CPA6: variants seen among roughly 807,000 people sequenced by gnomAD.
CPA6 encodes the protein carboxypeptidase B.
CPA6 carries 58 observed loss-of-function variants against 63.3 expected under a neutral mutation model. The ratio of observed to expected loss-of-function variants is 0.92; its 90% confidence interval spans 0.74 to 1.14. CPA6 has a LOEUF of 1.14. Among genes scored for constraint, CPA6 ranks in the 50% most tolerant of loss-of-function variants. The pLI, the probability that CPA6 is intolerant of heterozygous loss-of-function variation, is 0.00. For synonymous variants in CPA6, 185 were observed against 179.0 expected (o/e 1.03, Z -0.27); for missense variants, 565 against 526.6 (o/e 1.07, Z -0.71).
chr8:67,610,652 C>G (rs1814781350), intron 2 of CPA6, among the ~76,000 whole-genome samples: 1 of 152,172 alleles, frequency 6.6e-6, no homozygotes, highest in Non-Finnish European at 1.5e-5. Context: ...TGAAGGGAAC[C>G]ATGTTTGTCT....
intron 2 of CPA6, among the ~76,000 whole-genome samples, chr8:67,610,615 G>A (rs1814780817): frequency 6.6e-6 from 1 of 152,140 alleles, no homozygotes; most frequent in South Asian, 2.1e-4. Flanking sequence ...TGACTTCCCA[G>A]GGCCATGCCA....
chr8:67,485,218 T>C (rs991373351), intron 6 of CPA6, among the ~76,000 whole-genome samples: 10 of 152,194 alleles, frequency 6.6e-5, no homozygotes, highest in Admixed American at 5.9e-4. Flanking sequence ...GTCTAATTAG[T>C]AGCAGCCTCA....
At chr8:67,720,916 TCTC>T (rs1352180937) in intron 1 of CPA6, among the ~76,000 whole-genome samples, 1 of 152,162 alleles carries the variant, frequency 6.6e-6, no homozygotes, top group Non-Finnish European at 1.5e-5. Flanking sequence ...TGAGTTGATC[TCTC>T]CTCTTCCAAC....
chr8:67,446,767 T>C (rs911604678), intron 8 of CPA6, among the ~76,000 whole-genome samples: 1 of 152,222 alleles, frequency 6.6e-6, no homozygotes, highest in African/African-American at 2.4e-5. Context: ...ACAATGCTAA[T>C]TTAAAAATTG....
rs372165685 is a variant in CPA6, at chr8:67,671,037, C to T, written c.117-46786G>A. Among the ~76,000 whole-genome samples the T allele has an allele frequency of 3.3e-5, 5 of 152,300 alleles. 1 individual carries two copies. The highest frequency in any genetic ancestry group is 3.9e-4 in the East Asian group (2 of 5,186). Reference sequence around the variant, plus strand: ...TTCAAGATGATAGATCTGGAGGTATCTTCAGTTTCATTTGGTGATGGAAAA... The same window carrying T: ...TTCAAGATGATAGATCTGGAGGTATTTTCAGTTTCATTTGGTGATGGAAAA... On this transcript the variant is annotated intron_variant, in intron 1 of 10. Coordinates refer to ENST00000297770, the MANE Select transcript of CPA6 (RefSeq NM_020361.5).
intron 1 of CPA6, among the ~76,000 whole-genome samples, chr8:67,715,266 T>G (rs986547977): frequency 1.3e-5 from 2 of 152,212 alleles, no homozygotes; most frequent in Non-Finnish European, 2.9e-5. Flanking sequence ...TTCTAAATTC[T>G]GGGCCTCCTA....
At chr8:67,692,327 T>TA (rs1816829399) in intron 1 of CPA6, among the ~76,000 whole-genome samples, 1 of 63,562 alleles carries the variant, frequency 1.6e-5, no homozygotes, top group Non-Finnish European at 2.7e-5. Flanking sequence ...AAATCCTGTC[T>TA]CAAAAAAAAA....
At chr8:67,657,424 T>A (rs1419683664) in intron 1 of CPA6, among the ~76,000 whole-genome samples, 1 of 152,222 alleles carries the variant, frequency 6.6e-6, no homozygotes, top group Non-Finnish European at 1.5e-5. Context: ...ATCTGTGTTA[T>A]AAACCTAGCA....
intron 1 of CPA6, among the ~76,000 whole-genome samples, chr8:67,664,698 G>A (rs551336636): frequency 2.0e-5 from 3 of 152,218 alleles, no homozygotes; most frequent in East Asian, 3.9e-4. Context: ...GGATTTCAGG[G>A]CCTCAAATTT....
intron 2 of CPA6, among the ~76,000 whole-genome samples, chr8:67,595,481 C>A (rs1208316653): frequency 6.6e-6 from 1 of 152,230 alleles, no homozygotes; most frequent in Non-Finnish European, 1.5e-5. Context: ...GCCCTGCCCC[C>A]AGAGGTGGAG....
intron 2 of CPA6, among the ~76,000 whole-genome samples, chr8:67,594,093 T>C (rs918774503): frequency 6.6e-6 from 1 of 152,070 alleles, no homozygotes; most frequent in African/African-American, 2.4e-5. Context: ...TGACAAAATC[T>C]CTCAGCATTT....
In CPA6 at chr8:67,555,425, T is replaced by C. The variant is rs138709217; in HGVS notation, c.193-37378A>G. On this transcript the variant is annotated intron_variant, in intron 2 of 10. Transcript: ENST00000297770. ...GTGGGGAGCTTAGAGTTGATGAACA[T>C]ATGGAGGAGCTGGGAAGGTTGCACC... Among the ~76,000 whole-genome samples the C allele has an allele frequency of 2.6e-5, 4 of 152,230 alleles. No homozygotes were observed. In the East Asian group the frequency reaches 7.7e-4, roughly 29 times the overall value.
At chr8:67,509,802 A>T (rs959052624) in intron 4 of CPA6, among the ~76,000 whole-genome samples, 184 bp from the exon 5 acceptor site, 3 of 152,182 alleles carry the variant, frequency 2.0e-5, no homozygotes, top group Non-Finnish European at 4.4e-5. Flanking sequence ...AATTACATTT[A>T]ATTTTCTGCC....
chr8:67,536,850 T>C (rs1289490645), intron 2 of CPA6, among the ~76,000 whole-genome samples: 1 of 152,206 alleles, frequency 6.6e-6, no homozygotes, highest in African/African-American at 2.4e-5. Context: ...ATAGCTCTTA[T>C]TATTTTGAGA....
rs116354771 is a variant in CPA6, at chr8:67,713,680, T to A, written c.116+32334A>T. Among the ~76,000 whole-genome samples the A allele has an allele frequency of 6.8e-3, 1,041 of 152,290 alleles. 7 individuals carry two copies. Among genetic ancestry groups the A allele is most frequent in the African/African-American group, 0.024 (982 of 41,558 alleles). On this transcript the variant is annotated intron_variant, in intron 1 of 10. Coordinates refer to ENST00000297770, the MANE Select transcript of CPA6 (RefSeq NM_020361.5). ...TCCATTGTTTCTGAGTCACTCAGAT[T>A]ATAATTGCAGTTTCCATCATAGCAT...
chr8:67,485,271 T>C (rs1389846286), intron 6 of CPA6, among the ~76,000 whole-genome samples: 1 of 152,166 alleles, frequency 6.6e-6, no homozygotes, highest in Non-Finnish European at 1.5e-5. Context: ...CTTTTCTCCT[T>C]ACTTTTCTGT....
chr8:67,620,982 G>A (rs890856384), intron 2 of CPA6, among the ~76,000 whole-genome samples: 10 of 152,194 alleles, frequency 6.6e-5, no homozygotes, highest in Non-Finnish European at 1.5e-4. Flanking sequence ...TGTAGTTCAT[G>A]CTGAACACTT....
At chr8:67,626,321 G>A (rs1230382365) in intron 1 of CPA6, among the ~76,000 whole-genome samples, 1 of 152,074 alleles carries the variant, frequency 6.6e-6, no homozygotes, top group Non-Finnish European at 1.5e-5. Flanking sequence ...ATTTTTTAGG[G>A]CTTTTGTGTT....
At chr8:67,618,667 A>G (rs548351444) in intron 2 of CPA6, among the ~76,000 whole-genome samples, 6 of 152,322 alleles carry the variant, frequency 3.9e-5, no homozygotes, top group African/African-American at 1.4e-4. Context: ...ACAGTTTCCT[A>G]TCCTACAGCT....
Sources: allele counts gnomAD v4.1 joint callset (sites outside exome capture counted in the v4.1 genomes callset), GRCh38; gene constraint gnomAD v4.1.1; transcripts MANE v1.5; gene names NCBI Gene and HGNC (gene_info 2026-07-23, HGNC 2026-07-21).